Variants in SPMIP11 observed in about 807,000 individuals in gnomAD.
The protein encoded by SPMIP11 is sperm microtubule inner protein 11.
At chr12:48,741,769 A>C in the SPMIP11 span, among the ~76,000 whole-genome samples, 33 of 151,858 alleles carry the variant, frequency 2.2e-4, no homozygotes, top group African/African-American at 6.8e-4. Flanking sequence ...CCTTCCAAGT[A>C]GCTGGGACTA....
the SPMIP11 span, among the ~76,000 whole-genome samples, chr12:48,745,754 T>C: frequency 2.0e-5 from 3 of 152,168 alleles, no homozygotes; most frequent in Non-Finnish European, 4.4e-5. Context: ...ATACTGACAG[T>C]TTTTACTAAA....
the SPMIP11 span, among the ~76,000 whole-genome samples, chr12:48,747,553 T>C: frequency 6.6e-6 from 1 of 152,196 alleles, no homozygotes; most frequent in Non-Finnish European, 1.5e-5. Context: ...AACATAGCTA[T>C]GCACTGTGCC....
At chr12:48,757,137 G>T in the SPMIP11 span, among the ~76,000 whole-genome samples, 17 of 152,102 alleles carry the variant, frequency 1.1e-4, no homozygotes, top group African/African-American at 4.1e-4. Flanking sequence ...GGGGCCTAGC[G>T]CCTTTTTGGC....
chr12:48,748,970 T>A, the SPMIP11 span, among the ~76,000 whole-genome samples: 6 of 152,162 alleles, frequency 3.9e-5, no homozygotes, highest in African/African-American at 1.4e-4. Flanking sequence ...CATCTATAAT[T>A]TCCTCTTCTG....
the SPMIP11 span, among the ~76,000 whole-genome samples, chr12:48,769,413 C>CAAA: frequency 1.3e-4 from 5 of 38,800 alleles, no homozygotes; most frequent in African/African-American, 1.7e-4. Context: ...ATCCCCATCT[C>CAAA]AAAAAAAAAA....
chr12:48,743,400 A>G, the SPMIP11 span, among the ~76,000 whole-genome samples: 1 of 152,174 alleles, frequency 6.6e-6, no homozygotes, highest in Non-Finnish European at 1.5e-5. Flanking sequence ...AAAACTAAAA[A>G]CAAACAATCA....
the SPMIP11 span, among the ~76,000 whole-genome samples, chr12:48,741,496 G>A: frequency 3.9e-5 from 6 of 152,210 alleles, no homozygotes; most frequent in South Asian, 4.1e-4. Context: ...CCATCATATC[G>A]GGAGGCTCAT....
chr12:48,769,116 A>C, the SPMIP11 span: 1 of 1,484,106 alleles, frequency 6.7e-7, no homozygotes, highest in Admixed American at 2.2e-5. Context: ...AAACCCAGGG[A>C]GTCATCCCAC....
chr12:48,754,551 C>G, the SPMIP11 span, among the ~76,000 whole-genome samples: 1 of 150,960 alleles, frequency 6.6e-6, no homozygotes, highest in Non-Finnish European at 1.5e-5. Context: ...CCCGGGTTCA[C>G]GCCATTCTCC....
the SPMIP11 span, among the ~76,000 whole-genome samples, chr12:48,769,325 A>C: frequency 1.3e-5 from 2 of 150,026 alleles, no homozygotes; most frequent in Non-Finnish European, 3.0e-5. Context: ...AGGTGGGAGA[A>C]TAGATTGATT....
At chr12:48,764,747 C>G in the SPMIP11 span, 24 of 628,816 alleles carry the variant, frequency 3.8e-5, 1 homozygote, top group South Asian at 4.4e-4. Context: ...CTGGTCCGGC[C>G]AAGCAGTTGC....
the SPMIP11 span, among the ~76,000 whole-genome samples, chr12:48,748,249 C>G: frequency 2.0e-4 from 30 of 152,284 alleles, no homozygotes; most frequent in Middle Eastern, 3.4e-3. Flanking sequence ...CTCATCTACT[C>G]AAAGATTTTG....
the SPMIP11 span, among the ~76,000 whole-genome samples, chr12:48,749,695 CT>C: frequency 1.4e-3 from 165 of 116,632 alleles, no homozygotes; most frequent in African/African-American, 3.6e-3. Context: ...TCTTCTTCTT[CT>C]TTTTTTTTTT....
At chr12:48,755,978 C>T in the SPMIP11 span, among the ~76,000 whole-genome samples, 7 of 150,406 alleles carry the variant, frequency 4.7e-5, no homozygotes, top group South Asian at 1.3e-3. Flanking sequence ...CCTGGGTTCA[C>T]GCCATTCTCC....
At chr12:48,760,167 T>A in the SPMIP11 span, among the ~76,000 whole-genome samples, 2 of 151,988 alleles carry the variant, frequency 1.3e-5, no homozygotes, top group Admixed American at 1.3e-4. Flanking sequence ...TTTTTTGATG[T>A]TTCACCTTTT....
chr12:48,749,271 A>C, the SPMIP11 span, among the ~76,000 whole-genome samples: 2 of 151,098 alleles, frequency 1.3e-5, no homozygotes, highest in South Asian at 4.2e-4. Flanking sequence ...CAAAAAAAAA[A>C]AAAAATCTTC....
chr12:48,745,970 C>A, the SPMIP11 span, among the ~76,000 whole-genome samples: 1 of 152,084 alleles, frequency 6.6e-6, no homozygotes, highest in African/African-American at 2.4e-5. Flanking sequence ...AGTAAAGCAC[C>A]AAGCCAGACT....
the SPMIP11 span, among the ~76,000 whole-genome samples, chr12:48,759,669 C>CAA: frequency 3.8e-5 from 3 of 78,950 alleles, no homozygotes; most frequent in South Asian, 4.0e-4. Context: ...CACTTTGTCT[C>CAA]AAAAAAAAAA....
the SPMIP11 span, among the ~76,000 whole-genome samples, chr12:48,754,593 G>T: frequency 6.6e-6 from 1 of 152,166 alleles, no homozygotes; most frequent in South Asian, 2.1e-4. Flanking sequence ...TGGGACTACA[G>T]GTGCCCGCCA....
Sources: allele counts gnomAD v4.1 joint callset (sites outside exome capture counted in the v4.1 genomes callset), GRCh38; gene constraint gnomAD v4.1.1; transcripts MANE v1.5; gene names NCBI Gene and HGNC (gene_info 2026-07-23, HGNC 2026-07-21).